The following GFRA2 variants were observed in gnomAD, a reference collection of about 807,000 sequenced individuals.
GFRA2 encodes GDNF family receptor alpha-2.
A neutral mutation model predicts 48.3 loss-of-function variants in GFRA2; 17 were observed. That is an observed-to-expected ratio of 0.35 (90% confidence interval 0.24 to 0.53). GFRA2 has a LOEUF of 0.53. Among genes scored for constraint, GFRA2 ranks in the 20% least tolerant of loss-of-function variants. The pLI is 0.93. For missense variants in GFRA2, 660 were observed against 637.3 expected, an observed-to-expected ratio of 1.04 and a Z score of -0.38; for synonymous variants, 305 against 257.2, an observed-to-expected ratio of 1.19 and a Z score of -1.78.
chr8:21,790,042 G>C, upstream of GFRA2: 1 of 983,460 alleles, frequency 1.0e-6, no homozygotes, highest in African/African-American at 1.7e-5. Flanking sequence ...GGGGGCGATT[G>C]ATCCATCTGT....
chr8:21,811,764 T>C (rs983878466), intron 1 of GFRA2, among the ~76,000 whole-genome samples: 1 of 140,230 alleles, frequency 7.1e-6, no homozygotes, highest in African/African-American at 2.6e-5. Flanking sequence ...AGCCCCCTCA[T>C]TGCAGAGAAA....
chr8:21,759,543 A>AAGGAAGGG lies in GFRA2; in HGVS notation c.440-8602_440-8601insCCCTTCCT, dbSNP rs879376871. On this transcript the variant is annotated intron_variant, in intron 3 of 8. Coordinates refer to ENST00000524240, the MANE Select transcript of GFRA2 (RefSeq NM_001495.5). ...GAAGGAAGGAAGGAAGGAAGGAAGGAGGGAAGGAAGGAAGGAAAGAAATTT... is the reference window on the plus strand; with the variant it reads ...GAAGGAAGGAAGGAAGGAAGGAAGGAAGGAAGGGGGGAAGGAAGGAAGGAAAGAAATTT... Among the ~76,000 whole-genome samples the AAGGAAGGG allele has an allele frequency of 7.6e-3, 1,112 of 147,270 alleles. 23 individuals are homozygous for AAGGAAGGG. The highest frequency in any genetic ancestry group is 0.026 in the East Asian group (117 of 4,572).
intron 4 of GFRA2, among the ~76,000 whole-genome samples, chr8:21,729,329 C>G (rs989952825): frequency 6.6e-6 from 1 of 152,098 alleles, no homozygotes; most frequent in African/African-American, 2.4e-5. Flanking sequence ...GACCCTGTCT[C>G]TATATAAATT....
intron 3 of GFRA2, chr8:21,769,259 CCCCTG>C: frequency 1.5e-6 from 1 of 655,846 alleles, no homozygotes; most frequent in Non-Finnish European, 1.9e-6. Context: ...CCCAGCCCCG[CCCCTG>C]CCCTGCCCCT....
At chr8:21,704,957 G>A (rs1320722949) in intron 6 of GFRA2, 28 bp downstream of exon 6, 1 of 1,581,824 alleles carries the variant, frequency 6.3e-7, no homozygotes, top group Admixed American at 1.7e-5. Context: ...AGGGGCTGCT[G>A]GGGTTGGGGA....
intron 1 of GFRA2, 81 bp downstream of exon 1, chr8:21,788,026 CGACCTCCCGCCAG>C: frequency 1.6e-6 from 1 of 643,348 alleles, no homozygotes; most frequent in Non-Finnish European, 2.5e-6. Flanking sequence ...CTCTCCCCGC[CGACCTCCCGCCAG>C]CCCCCCACCG....
intron 4 of GFRA2, among the ~76,000 whole-genome samples, chr8:21,735,823 C>T (rs897510080): frequency 2.0e-5 from 3 of 150,676 alleles, no homozygotes; most frequent in Non-Finnish European, 3.0e-5. Context: ...CATGCCACCA[C>T]ACCCAGATAA....
intron 1 of GFRA2, among the ~76,000 whole-genome samples, chr8:21,784,139 G>A (rs926464422): frequency 1.4e-4 from 21 of 152,206 alleles, no homozygotes; most frequent in African/African-American, 4.3e-4. Context: ...GCCTCAGGAG[G>A]GAGGGGACAG....
chr8:21,754,547 C>CGCCCAG (rs1381647564), intron 3 of GFRA2, among the ~76,000 whole-genome samples: 1 of 125,820 alleles, frequency 7.9e-6, no homozygotes, highest in Non-Finnish European at 1.6e-5. Context: ...TTGCTCTTGT[C>CGCCCAG]GCCCAGGCGG....
chr8:21,709,214 G>T (rs1802895166), intron 4 of GFRA2, among the ~76,000 whole-genome samples: 1 of 152,172 alleles, frequency 6.6e-6, no homozygotes, highest in African/African-American at 2.4e-5. Flanking sequence ...CATGCATCAG[G>T]CCCAGCTCTC....
At chr8:21,734,142 A>G (rs1298808788) in intron 4 of GFRA2, among the ~76,000 whole-genome samples, 1 of 152,184 alleles carries the variant, frequency 6.6e-6, no homozygotes, top group African/African-American at 2.4e-5. Flanking sequence ...TGGCTTCTGG[A>G]AGAAGCAGAG....
intron 4 of GFRA2, among the ~76,000 whole-genome samples, chr8:21,717,848 A>C (rs1037066683): frequency 1.3e-5 from 2 of 152,162 alleles, no homozygotes; most frequent in African/African-American, 4.8e-5. Context: ...GGGCTGCTAG[A>C]AGTAGAAATC....
chr8:21,788,297 A>G lies in GFRA2; in HGVS notation c.-138T>C. 7.2e-7 allele frequency: 1 copy of G among 1,381,376 alleles called. No individual in the cohort carries two copies. 85.6% of individuals were successfully genotyped at this position (1,381,376 alleles called of 1,614,324 possible). On this transcript the variant is annotated 5_prime_UTR_variant, in exon 1 of 9. Transcript: ENST00000524240. ...GCGGAGATCCCAGCTAGTCCACCCG[A>G]TGAAGATCCCGAGTCCTGCGATTCT...
At chr8:21,809,290 C>T (rs555653496) in intron 1 of GFRA2, among the ~76,000 whole-genome samples, 19 of 152,312 alleles carry the variant, frequency 1.2e-4, no homozygotes, top group Admixed American at 9.8e-4. Context: ...GCAGATGTAT[C>T]TCCTTTGGCA....
rs756594223 is a variant in GFRA2 at position 21,710,121 on chromosome 8, C to A, written c.795-4080G>T. 3.2e-4 allele frequency among the ~76,000 whole-genome samples: 48 copies of A among 152,204 alleles called. 1 individual carries two copies. Among genetic ancestry groups the A allele is most frequent in the Non-Finnish European group, 8.8e-5 (6 of 68,036 alleles). ...GGAGTGGGTATCTGTCGCATGGCCA[C>A]GCTCCATCTCTCACTCGCTGTCTGT... On this transcript the variant is annotated intron_variant, in intron 4 of 8. Transcript: ENST00000524240.
intron 3 of GFRA2, among the ~76,000 whole-genome samples, chr8:21,753,636 GAAAGA>G (rs955466515): frequency 6.6e-6 from 1 of 151,906 alleles, no homozygotes; most frequent in East Asian, 1.9e-4. Flanking sequence ...AAGAAAAAAA[GAAAGA>G]AAAGAAAAAA....
chr8:21,715,951 C>T (rs1803309961), intron 4 of GFRA2, among the ~76,000 whole-genome samples: 2 of 152,096 alleles, frequency 1.3e-5, no homozygotes, highest in African/African-American at 2.4e-5. Context: ...TCTCCTCTGC[C>T]CTTCCTATAT....
At chr8:21,781,520 T>C (rs543124515) in intron 2 of GFRA2, among the ~76,000 whole-genome samples, 1 of 152,294 alleles carries the variant, frequency 6.6e-6, no homozygotes, top group Admixed American at 6.5e-5. Context: ...TTGGAGCCTG[T>C]CTCTTCCAGG....
chr8:21,788,870 GCTCTCCCTCGCTCTCCT>G, exon 1 of GFRA2: 1 of 800,630 alleles, frequency 1.2e-6, no homozygotes, highest in Non-Finnish European at 1.5e-6. Context: ...GCTCTCTCCA[GCTCTCCCTCGCTCTCCT>G]CTCTCCCTCC....
Sources: gnomAD v4.1 joint callset for allele counts (sites outside exome capture counted in the v4.1 genomes callset) on GRCh38, gnomAD v4.1.1 for gene constraint, MANE v1.5 for transcripts, NCBI Gene and HGNC (gene_info 2026-07-23, HGNC 2026-07-21) for gene names.